The following SYNPR variants were observed in gnomAD, a reference collection of about 807,000 sequenced individuals.
SYNPR encodes the protein synaptoporin.
SYNPR carries 23 observed loss-of-function variants against 32.9 expected under a neutral mutation model. The ratio of observed to expected loss-of-function variants is 0.70; its 90% confidence interval spans 0.50 to 0.99. The LOEUF (loss-of-function observed/expected upper bound fraction) is 0.99. SYNPR is among the 50% of genes least tolerant of loss of function. SYNPR has a pLI of 0.00. For missense variants in SYNPR, 318 were observed against 349.3 expected, an observed-to-expected ratio of 0.91 and a Z score of 0.71; for synonymous variants, 146 against 135.9, an observed-to-expected ratio of 1.07 and a Z score of -0.52.
At chr3:63,447,608 C>T (rs1700301695) in intron 2 of SYNPR, among the ~76,000 whole-genome samples, 1 of 151,472 alleles carries the variant, frequency 6.6e-6, no homozygotes. Context: ...ACATGAAGCA[C>T]TAAATCTTCT....
intron 2 of SYNPR, among the ~76,000 whole-genome samples, chr3:63,442,205 GA>G (rs1700191169): frequency 1.5e-5 from 2 of 137,406 alleles, no homozygotes; most frequent in East Asian, 2.0e-4. Context: ...GAAAGAGAGA[GA>G]GAGAAGGAGA....
chr3:63,209,242 CG>C, the SYNPR span, among the ~76,000 whole-genome samples: 7 of 135,542 alleles, frequency 5.2e-5, no homozygotes, highest in Non-Finnish European at 6.1e-5. Flanking sequence ...GGCATGAACC[CG>C]GGGGGCGGAG....
chr3:63,287,822 G>C (rs973613146), intron 2 of SYNPR, among the ~76,000 whole-genome samples: 2 of 152,116 alleles, frequency 1.3e-5, no homozygotes, highest in African/African-American at 4.8e-5. Context: ...AGTCACATAG[G>C]CACCGCTGTC....
At chr3:63,227,608 C>T (rs902612208), upstream of SYNPR, among the ~76,000 whole-genome samples, 1 of 152,144 alleles carries the variant, frequency 6.6e-6, no homozygotes, top group Admixed American at 6.6e-5. Flanking sequence ...CTTTCTGCTT[C>T]TCTATATTTG....
chr3:63,509,464 G>A (rs1285405553), intron 3 of SYNPR, among the ~76,000 whole-genome samples: 8 of 151,900 alleles, frequency 5.3e-5, no homozygotes, highest in African/African-American at 1.7e-4. Flanking sequence ...AAGTGTGGCT[G>A]CCCTTTTCTT....
At chr3:63,580,578 G>A (rs1021768737) in intron 4 of SYNPR, among the ~76,000 whole-genome samples, 2 of 152,128 alleles carry the variant, frequency 1.3e-5, no homozygotes, top group Non-Finnish European at 2.9e-5. Flanking sequence ...TTTTAACACA[G>A]TGCCAAGCTA....
chr3:63,347,643 T>C (rs2087454510), intron 2 of SYNPR, among the ~76,000 whole-genome samples: 1 of 152,154 alleles, frequency 6.6e-6, no homozygotes, highest in Admixed American at 6.6e-5. Context: ...CCTTCCAGCC[T>C]TCCAAGTCTC....
intron 2 of SYNPR, among the ~76,000 whole-genome samples, chr3:63,379,502 G>T (rs1560210644): frequency 6.6e-6 from 1 of 151,990 alleles, no homozygotes; most frequent in Admixed American, 6.6e-5. Context: ...TTGTAGCTCT[G>T]TTTTTTGGTA....
chr3:63,223,995 G>T (rs547445482), upstream of SYNPR, among the ~76,000 whole-genome samples: 146 of 152,292 alleles, frequency 9.6e-4, no homozygotes, highest in African/African-American at 3.4e-3. Flanking sequence ...AAGTGAATAA[G>T]ATATAGTCCT....
intron 2 of SYNPR, among the ~76,000 whole-genome samples, chr3:63,388,556 TTGTG>T (rs749669898): frequency 0.019 from 2,448 of 128,068 alleles, 78 homozygotes; most frequent in African/African-American, 0.064. Flanking sequence ...CCCGGCTAAT[TTGTG>T]TGTGTGTGTG....
intron 2 of SYNPR, among the ~76,000 whole-genome samples, chr3:63,314,781 G>T (rs999910670): frequency 1.3e-5 from 2 of 151,882 alleles, no homozygotes; most frequent in African/African-American, 2.4e-5. Context: ...TTGGGTTCTT[G>T]GTCATGAAAT....
intron 2 of SYNPR, among the ~76,000 whole-genome samples, chr3:63,348,404 G>T (rs1169276743): frequency 6.6e-6 from 1 of 151,750 alleles, no homozygotes; most frequent in Non-Finnish European, 1.5e-5. Context: ...TGAGTTGTTT[G>T]GGTTCCTTGT....
intron 1 of SYNPR, among the ~76,000 whole-genome samples, chr3:63,248,356 T>A (rs1011773508): frequency 6.6e-6 from 1 of 152,068 alleles, no homozygotes; most frequent in Admixed American, 6.6e-5. Context: ...GCAATTGTGA[T>A]GAAGATACGG....
chr3:63,226,516 C>T (rs906236485), upstream of SYNPR, among the ~76,000 whole-genome samples: 1 of 152,086 alleles, frequency 6.6e-6, no homozygotes, highest in Non-Finnish European at 1.5e-5. Flanking sequence ...GAATACTATT[C>T]AGCCATAAAA....
intron 2 of SYNPR, among the ~76,000 whole-genome samples, chr3:63,476,285 G>GAAGGGAAGGGAGGGAAGC (rs1700916506): frequency 2.1e-5 from 1 of 48,058 alleles, no homozygotes; most frequent in Non-Finnish European, 4.6e-5. Flanking sequence ...GGGAGGGAAG[G>GAAGGGAAGGGAGGGAAGC]AAGGGAAGGG....
At chr3:63,427,681 G>A (rs1699917244) in intron 2 of SYNPR, 1 of 152,178 alleles carries the variant, frequency 6.6e-6, no homozygotes, top group Non-Finnish European at 1.5e-5. Flanking sequence ...TCTCCAAACT[G>A]GTAGATTCTG....
At chr3:63,248,205 C>G (rs1237521948) in intron 1 of SYNPR, among the ~76,000 whole-genome samples, 1 of 152,116 alleles carries the variant, frequency 6.6e-6, no homozygotes, top group African/African-American at 2.4e-5. Flanking sequence ...CCTGTTAATG[C>G]TGATTCTGCA....
intron 2 of SYNPR, among the ~76,000 whole-genome samples, chr3:63,461,045 T>G (rs1435315958): frequency 6.6e-6 from 1 of 151,320 alleles, no homozygotes; most frequent in African/African-American, 2.4e-5. Flanking sequence ...TCAGGTTTGT[T>G]TTTTTTTTAC....
intron 3 of SYNPR, among the ~76,000 whole-genome samples, chr3:63,546,856 T>C (rs4688173): frequency 0.7 from 106,468 of 152,068 alleles, 37,800 homozygotes; most frequent in East Asian, 0.97. Context: ...TTAAAGAAAA[T>C]ATTTTTAGCA....
Sources: allele counts gnomAD v4.1 joint callset (sites outside exome capture counted in the v4.1 genomes callset), GRCh38; gene constraint gnomAD v4.1.1; transcripts MANE v1.5; gene names NCBI Gene and HGNC (gene_info 2026-07-23, HGNC 2026-07-21).